Variants in CREBBP observed in about 807,000 individuals in gnomAD.
CREBBP encodes CREB binding lysine acetyltransferase.
Under a neutral mutation model 265.0 loss-of-function variants are expected in CREBBP, and 19 were observed. The ratio of observed to expected loss-of-function variants is 0.07; its 90% CI spans 0.05 to 0.11. The LOEUF is 0.11. CREBBP is among the 10% of genes least tolerant of loss of function. The pLI is 1.00. For synonymous variants in CREBBP, 1,457 were observed against 1,223.7 expected, an observed-to-expected ratio of 1.19 and a Z score of -3.98; for missense variants, 2,525 against 3,219.0, an observed-to-expected ratio of 0.78 and a Z score of 5.22.
chr16:3,787,003 G>A (rs972207599), intron 5 of CREBBP, among the ~76,000 whole-genome samples: 8 of 151,176 alleles, frequency 5.3e-5, no homozygotes, highest in Non-Finnish European at 1.0e-4. Flanking sequence ...CTAGGGAGAC[G>A]GAGGTTGCGG....
chr16:3,764,842 C>T (rs996381116), intron 16 of CREBBP, among the ~76,000 whole-genome samples: 2 of 152,152 alleles, frequency 1.3e-5, no homozygotes, highest in African/African-American at 4.8e-5. Context: ...TTTGGCCTTC[C>T]AAAGTGCTGA....
At chr16:3,849,449 G>GA (rs1280507537) in intron 2 of CREBBP, among the ~76,000 whole-genome samples, 1 of 49,044 alleles carries the variant, frequency 2.0e-5, no homozygotes, top group African/African-American at 5.2e-5. Context: ...GTGTGTGTGT[G>GA]TGTGTGTGTG....
At position 3,848,660 on chromosome 16, in the gene CREBBP, A is replaced by C. The variant is rs558905835; in HGVS notation, c.798+1637T>G. Among the ~76,000 whole-genome samples, 14 of 152,336 alleles carry C rather than the reference A, an allele frequency of 9.2e-5. No homozygotes were observed. The South Asian group carries it at 2.9e-3, about 32-fold the overall frequency. ...AAAAAAGTTTGGGAATCATTGCTTT[A>C]TACTATTATGTCGACTTCATATGAT... is the stretch of plus-strand genomic sequence containing the variant. On this transcript the variant is annotated intron_variant, in intron 2 of 30. Coordinates refer to ENST00000262367, the MANE Select transcript of CREBBP (RefSeq NM_004380.3).
intron 2 of CREBBP, among the ~76,000 whole-genome samples, chr16:3,832,401 C>G (rs1203306048): frequency 2.0e-5 from 3 of 152,198 alleles, no homozygotes; most frequent in Non-Finnish European, 2.9e-5. Context: ...ACCCATATCA[C>G]TCATGAATAT....
Position 3,792,336 on chromosome 16 carries a change from G to A in CREBBP, c.1217-242C>T, listed in dbSNP as rs570514944. On this transcript the variant is annotated intron_variant, in intron 4 of 30. Transcript: ENST00000262367. The stretch of plus-strand genomic sequence containing the variant: ...TATGAAGGATGGGTGATAAAGGGCA[G>A]CCCACAAAACAAAACAAAAACTATT... 9.9e-5 allele frequency among the ~76,000 whole-genome samples: 15 copies of A among 152,250 alleles called. No individual in the cohort carries two copies. The East Asian group carries it at 2.7e-3, about 27-fold the overall frequency.
intron 19 of CREBBP, among the ~76,000 whole-genome samples, chr16:3,753,060 G>A (rs1274896355): frequency 2.0e-5 from 3 of 152,160 alleles, no homozygotes; most frequent in Non-Finnish European, 4.4e-5. Flanking sequence ...GCACGAATGC[G>A]GTTTAGTGCT....
intron 1 of CREBBP, among the ~76,000 whole-genome samples, chr16:3,865,958 G>A (rs2055171271): frequency 6.6e-6 from 1 of 152,014 alleles, no homozygotes; most frequent in Non-Finnish European, 1.5e-5. Context: ...TTTTTTTAAG[G>A]CACCCCCACT....
intron 2 of CREBBP, among the ~76,000 whole-genome samples, chr16:3,814,196 T>TGTGTG (rs2053991921): frequency 1.4e-5 from 2 of 147,618 alleles, no homozygotes; most frequent in Admixed American, 6.7e-5. Flanking sequence ...TGTGTGTGTG[T>TGTGTG]TTGAGACAGA....
chr16:3,786,584 G>A (rs2053392736), intron 5 of CREBBP, among the ~76,000 whole-genome samples: 1 of 152,228 alleles, frequency 6.6e-6, no homozygotes, highest in Non-Finnish European at 1.5e-5. Context: ...AGTTGCTACA[G>A]CTGATGCTTC....
chr16:3,867,126 T>C (rs1407280097), intron 1 of CREBBP, among the ~76,000 whole-genome samples: 1 of 152,194 alleles, frequency 6.6e-6, no homozygotes, highest in Non-Finnish European at 1.5e-5. Context: ...CTATTTCAAC[T>C]ATTAAGGTGG....
Position 3,770,722 on chromosome 16 carries a change from T to A in CREBBP, c.2728A>T (p.Thr910Ser), listed in dbSNP as rs143247685. The A allele has an allele frequency of 1.1e-4, 185 of 1,613,886 alleles. 3 individuals carry two copies. The South Asian group carries it at 1.5e-3, about 13-fold the overall frequency. ...ACTGTAGGGGTGCTCTGGGTTTGGG[T>A]AGCACTGGGCACTGAGCCAGGAGTC... ...TPTPGSVPSA[T>S]QTQSTPTVQA... The change falls in exon 14 of 31, where the codon ACC becomes TCC. Residue 910 changes from threonine (T) to serine (S), a missense_variant. Physicochemically the swap from Thr to Ser is moderately conservative, Grantham distance 58. Around this residue, in one of 19 missense-constraint regions of CREBBP, gnomAD observed 548 missense variants for 533.0 expected, o/e 1.03. Coordinates refer to ENST00000262367, the MANE Select transcript of CREBBP (RefSeq NM_004380.3).
chr16:3,739,639 C>T lies in CREBBP; in HGVS notation c.4219G>A (p.Val1407Ile), dbSNP rs1224096861. 6.2e-7 allele frequency: 1 copy of T among 1,614,224 alleles called. No homozygotes were observed. Among genetic ancestry groups the T allele is most frequent in the South Asian group, 1.1e-5 (1 of 91,086 alleles). ...TGGACGTGCATTCCAAAAAAGCAGA[C>T]ATCCACGCCGTCAATTTCCTCAAAA... ...FAFEEIDGVD[V>I]CFFGMHVQEY... is the part of the protein sequence containing the mutation. The change falls in exon 25 of 31, where the codon GTC becomes ATC. Residue 1407 changes from valine (V) to isoleucine (I), a missense_variant. Coordinates refer to ENST00000262367, the MANE Select transcript of CREBBP (RefSeq NM_004380.3).
At chr16:3,835,002 CA>C (rs1389662513) in intron 2 of CREBBP, among the ~76,000 whole-genome samples, 3 of 151,960 alleles carry the variant, frequency 2.0e-5, no homozygotes, top group Admixed American at 6.6e-5. Flanking sequence ...AGTAAAAATA[CA>C]AAAAATTGGC....
intron 26 of CREBBP, among the ~76,000 whole-genome samples, chr16:3,737,980 G>A (rs570027237): frequency 1.3e-5 from 2 of 151,982 alleles, no homozygotes; most frequent in South Asian, 2.1e-4. Flanking sequence ...TAGAGACAGG[G>A]TTTCACCATG....
intron 1 of CREBBP, among the ~76,000 whole-genome samples, chr16:3,874,201 TAC>T (rs773249850): frequency 9.2e-5 from 14 of 152,278 alleles, no homozygotes; most frequent in Non-Finnish European, 2.1e-4. Context: ...ATATAACTGT[TAC>T]AGAGGAACAA....
chr16:3,806,139 T>C (rs1210956369), intron 3 of CREBBP, among the ~76,000 whole-genome samples: 2 of 152,238 alleles, frequency 1.3e-5, no homozygotes, highest in South Asian at 2.1e-4. Flanking sequence ...CAGGGGGCCC[T>C]GGAGGGCATC....
At chr16:3,739,251 C>A (rs1181229432) in intron 25 of CREBBP, among the ~76,000 whole-genome samples, 2 of 152,226 alleles carry the variant, frequency 1.3e-5, no homozygotes, top group Non-Finnish European at 2.9e-5. Flanking sequence ...AGATTCCTGA[C>A]TGCACATGAA....
chr16:3,849,437 GTGTGTGTGTGTGTGT>G (rs2054759380), intron 2 of CREBBP, among the ~76,000 whole-genome samples: 238 of 16,456 alleles, frequency 0.014, 12 homozygotes, highest in South Asian at 0.047. Flanking sequence ...GTGTGTGTGT[GTGTGTGTGTGTGTGT>G]GTGTGTGTGT....
chr16:3,778,885 G>A (rs2053207458), intron 8 of CREBBP, 68 bp from the exon 9 acceptor site: 11 of 1,382,740 alleles, frequency 8.0e-6, no homozygotes, highest in Non-Finnish European at 1.0e-5. Flanking sequence ...ATGGGGTTTC[G>A]TCCAGGCGCG....
Sources: allele counts gnomAD v4.1 joint callset (sites outside exome capture counted in the v4.1 genomes callset), GRCh38; gene constraint gnomAD v4.1.1; regional missense constraint gnomAD v4.1.1; transcripts MANE v1.5; gene names NCBI Gene and HGNC (gene_info 2026-07-23, HGNC 2026-07-21).